The following AFF1 variants were observed in gnomAD, a reference collection of about 807,000 sequenced individuals.
AFF1 encodes the protein ALF transcription elongation factor 1.
Under a neutral mutation model 121.7 loss-of-function variants are expected in AFF1, and 48 were observed. The observed-to-expected ratio is 0.39, with a 90% CI of 0.31 to 0.50. The LOEUF (loss-of-function observed/expected upper bound fraction) is 0.50. Ranked by LOEUF, AFF1 falls within the 20% of genes least tolerant of loss-of-function variation. The pLI, the probability that AFF1 is intolerant of heterozygous loss-of-function variation, is 0.76. For synonymous variants in AFF1, 613 were observed against 563.0 expected, an observed-to-expected ratio of 1.09 and a Z score of -1.26; for missense variants, 1,523 against 1,511.7, an observed-to-expected ratio of 1.01 and a Z score of -0.12.
At chr4:87,081,820 A>G (rs536302688) in intron 4 of AFF1, among the ~76,000 whole-genome samples, 38 of 152,328 alleles carry the variant, frequency 2.5e-4, no homozygotes, top group South Asian at 8.3e-4. Flanking sequence ...AATGGTGACT[A>G]TTAGTATCTG....
chr4:87,037,829 C>T (rs1233622012), intron 2 of AFF1, among the ~76,000 whole-genome samples: 2 of 152,076 alleles, frequency 1.3e-5, no homozygotes, highest in African/African-American at 4.8e-5. Context: ...CTTACTGGCT[C>T]TGAGTCCTGG....
intron 12 of AFF1, among the ~76,000 whole-genome samples, chr4:87,118,890 A>C (rs994979020): frequency 6.6e-6 from 1 of 152,194 alleles, no homozygotes; most frequent in East Asian, 1.9e-4. Flanking sequence ...GAGCCGGCTG[A>C]AGCAAGAGGC....
At chr4:87,134,796 A>G (rs1729163633) in intron 20 of AFF1, 102 bp downstream of exon 20, 1 of 1,023,370 alleles carries the variant, frequency 9.8e-7, no homozygotes, top group Admixed American at 2.4e-5. Context: ...AGAAAAGGGA[A>G]TGTGTAGCTG....
chr4:87,108,348 G>T, intron 11 of AFF1, 33 bp downstream of exon 11: 1 of 1,603,916 alleles, frequency 6.2e-7, no homozygotes, highest in Non-Finnish European at 8.5e-7. Flanking sequence ...GGCCACCTTA[G>T]ATGGCAGCAT....
chr4:87,091,773 T>C lies in AFF1; in HGVS notation c.1192-20T>C. The C allele has an allele frequency of 6.8e-7, 1 of 1,474,514 alleles. No individual in the cohort carries two copies. The highest frequency in any genetic ancestry group is 9.2e-7 in the Non-Finnish European group (1 of 1,090,658). The allele number at this position is 1,474,514 out of a possible 1,614,324, so 91.3% of individuals were successfully genotyped here. On this transcript the variant is annotated intron_variant, in intron 6 of 20. Transcript: ENST00000395146. ...AAGCCTTAATCTTTTAATAATTAGA[T>C]ATTTTTATTTTCTTTCTAGGACTCT...
intron 2 of AFF1, among the ~76,000 whole-genome samples, chr4:87,035,374 A>T (rs1199787619): frequency 6.6e-6 from 1 of 152,154 alleles, no homozygotes; most frequent in Admixed American, 6.5e-5. Flanking sequence ...ATCCTGGCTA[A>T]CATGGTGAAA....
intron 8 of AFF1, among the ~76,000 whole-genome samples, chr4:87,096,300 T>C (rs1401152532): frequency 0.027 from 128 of 4,698 alleles, 1 homozygote; most frequent in African/African-American, 0.054. Flanking sequence ...GTTATTCCCT[T>C]TTTTTTTTTT....
At chr4:86,982,762 C>A (rs886937794) in intron 2 of AFF1, among the ~76,000 whole-genome samples, 9 of 142,942 alleles carry the variant, frequency 6.3e-5, no homozygotes, top group Non-Finnish European at 1.1e-4. Context: ...GCAGGAGAAT[C>A]GCTTGAACCC....
chr4:87,034,595 C>G (rs1729381451), intron 2 of AFF1, among the ~76,000 whole-genome samples: 1 of 152,140 alleles, frequency 6.6e-6, no homozygotes, highest in African/African-American at 2.4e-5. Context: ...AACGTAGTAC[C>G]TTTTCTTTTA....
At position 87,046,667 on chromosome 4, in the gene AFF1, TCATTCTCAAATTCTCC is replaced by T; in HGVS notation, c.160-27_160-12del. On this transcript the variant is annotated splice_polypyrimidine_tract_variant and intron_variant, in intron 3 of 20. Transcript: ENST00000395146. ...AATGGTAGTTTTCCTTAGTTTTTTT[TCATTCTCAAATTCTCC>T]TTTTTTTTCAGACAGCAAAAGGTGA... 2 of 1,574,334 alleles carry T rather than the reference TCATTCTCAAATTCTCC, an allele frequency of 1.3e-6. No homozygotes were observed. Among genetic ancestry groups the T allele is most frequent in the Non-Finnish European group, 1.7e-6 (2 of 1,161,684 alleles).
Position 87,126,432 on chromosome 4 carries a change from C to T in AFF1, c.2811+96C>T, listed in dbSNP as rs942128737. On this transcript the variant is annotated intron_variant, in intron 14 of 20. Coordinates refer to ENST00000395146, the MANE Select transcript of AFF1 (RefSeq NM_001166693.3). ...AGTTGCTAGTGATGGCACTTCAGAA[C>T]TGTCCATTGCTTTTAATGAGGCAAC... The T allele has an allele frequency of 4.4e-6, 5 of 1,148,640 alleles. No individual in the cohort carries two copies. In the African/African-American group the frequency reaches 7.7e-5, roughly 18 times the overall value. 71.2% of individuals were successfully genotyped at this position (1,148,640 alleles called of 1,614,324 possible). A position where few individuals can be genotyped will look rare whatever the true frequency, so the allele number is the denominator to read the frequency against.
intron 2 of AFF1, among the ~76,000 whole-genome samples, chr4:86,993,204 C>CT (rs1283115824): frequency 6.6e-6 from 1 of 152,130 alleles, no homozygotes; most frequent in African/African-American, 2.4e-5. Flanking sequence ...CAAACATTTG[C>CT]TAGGAATAAA....
chr4:86,982,572 C>G (rs1482407417), intron 2 of AFF1, among the ~76,000 whole-genome samples: 1 of 151,182 alleles, frequency 6.6e-6, no homozygotes, highest in Non-Finnish European at 1.5e-5. Context: ...TATAAAAGAA[C>G]TTGGGCTGGG....
rs367686961 is a variant in AFF1, at chr4:87,115,005, C to T, written c.2172C>T (p.Ser724=). The T allele has an allele frequency of 9.9e-6, 16 of 1,613,344 alleles. No homozygotes were observed. The highest frequency in any genetic ancestry group is 5.0e-5 in the Admixed American group (3 of 59,988). The change falls in exon 12 of 21, where the codon AGC becomes AGT. Residue 724 remains serine (S), a synonymous_variant. Transcript: ENST00000395146. The part of the protein sequence containing the change: ...TESQGPPHSG[S]GSRTSGCRQA... ...GCCAGGGCCCACCCCACAGTGGCAG[C>T]GGCAGCAGGACTAGTGGCTGCCGCC...
chr4:87,095,398 C>T (rs1382837051), intron 8 of AFF1, among the ~76,000 whole-genome samples: 2 of 152,162 alleles, frequency 1.3e-5, no homozygotes, highest in East Asian at 1.9e-4. Flanking sequence ...GGATTACAGG[C>T]GTAAGCCACT....
intron 2 of AFF1, among the ~76,000 whole-genome samples, chr4:86,990,160 TTAAATTATAATAA>T (rs1444258284): frequency 1.1e-5 from 1 of 94,604 alleles, no homozygotes; most frequent in Non-Finnish European, 2.6e-5. Flanking sequence ...ATTCCAGAAC[TTAAATTATAATAA>T]TAATAATAAT....
chr4:87,046,592 A>G (rs1730715127), intron 3 of AFF1, 103 bp from the exon 4 acceptor site: 1 of 1,257,664 alleles, frequency 8.0e-7, no homozygotes, highest in Non-Finnish European at 1.1e-6. Flanking sequence ...CATGTCGTAC[A>G]TTAAGTTCGG....
intron 7 of AFF1, among the ~76,000 whole-genome samples, chr4:87,093,404 T>G (rs1322852341): frequency 6.6e-6 from 1 of 152,202 alleles, no homozygotes; most frequent in Non-Finnish European, 1.5e-5. Context: ...TAGCTTTCAG[T>G]GAAGAGAAGA....
chr4:86,964,895 A>C (rs1249010927), intron 2 of AFF1, among the ~76,000 whole-genome samples: 2 of 151,714 alleles, frequency 1.3e-5, no homozygotes, highest in Non-Finnish European at 2.9e-5. Flanking sequence ...TCTGAGTCGT[A>C]AACATCTTTT....
Sources: allele counts gnomAD v4.1 joint callset (sites outside exome capture counted in the v4.1 genomes callset), GRCh38; gene constraint gnomAD v4.1.1; transcripts MANE v1.5; gene names NCBI Gene and HGNC (gene_info 2026-07-23, HGNC 2026-07-21).